The following GALNT9 variants were observed in gnomAD, a reference collection of about 807,000 sequenced individuals.
The protein encoded by GALNT9 is GalNAc transferase 9.
Under a neutral mutation model 63.1 loss-of-function variants are expected in GALNT9, and 47 were observed. The ratio of observed to expected loss-of-function variants is 0.75; its 90% confidence interval spans 0.59 to 0.95. GALNT9 has a LOEUF of 0.95. GALNT9 is among the 40% of genes least tolerant of loss of function. The pLI is 0.00. For missense variants in GALNT9, 829 were observed against 874.8 expected (o/e 0.95, Z 0.66); for synonymous variants, 396 against 365.7 (o/e 1.08, Z -0.94).
At chr12:132,221,896 A>G (rs1658749395) in intron 6 of GALNT9, among the ~76,000 whole-genome samples, 1 of 152,128 alleles carries the variant, frequency 6.6e-6, no homozygotes, top group Admixed American at 6.5e-5. Context: ...CACATGGGAG[A>G]GTAAAAGCAA....
At chr12:132,318,894 G>A (rs1312237132) in intron 1 of GALNT9, among the ~76,000 whole-genome samples, 1 of 152,248 alleles carries the variant, frequency 6.6e-6, no homozygotes, top group African/African-American at 2.4e-5. Context: ...GGTGCTCAGA[G>A]ATGACAGTCC....
At chr12:132,260,172 G>A (rs1265961217) in intron 4 of GALNT9, among the ~76,000 whole-genome samples, 2 of 152,170 alleles carry the variant, frequency 1.3e-5, no homozygotes, top group African/African-American at 2.4e-5. Context: ...CAGGGATGGA[G>A]AAACAGACAC....
At chr12:132,304,355 A>G (rs1173939228) in intron 1 of GALNT9, among the ~76,000 whole-genome samples, 3 of 95,596 alleles carry the variant, frequency 3.1e-5, no homozygotes, top group African/African-American at 4.7e-5. Context: ...GCACACCCTC[A>G]CCCGGGCACA....
chr12:132,215,791 C>G (rs1877158090), intron 6 of GALNT9, among the ~76,000 whole-genome samples: 1 of 152,134 alleles, frequency 6.6e-6, no homozygotes, highest in East Asian at 1.9e-4. Flanking sequence ...CACATGGGAC[C>G]CAGCACGGGA....
In GALNT9 at chr12:132,320,363, G is replaced by A. The variant is rs567272550; in HGVS notation, c.238+8603C>T. The stretch of plus-strand genomic sequence containing the variant: ...ACGGCCCAGAGCCCTCGAGGGCCAC[G>A]AGGCACAGACGCCCCCACCTCGGAT... On this transcript the variant is annotated intron_variant, in intron 1 of 10. Coordinates refer to ENST00000328957, the MANE Select transcript of GALNT9 (RefSeq NM_001122636.2). Among the ~76,000 whole-genome samples the A allele has an allele frequency of 2.7e-4, 41 of 152,376 alleles. No homozygotes were observed. In the South Asian group the frequency reaches 7.5e-3, roughly 28 times the overall value.
At chr12:132,276,933 C>T (rs1880117963) in intron 2 of GALNT9, among the ~76,000 whole-genome samples, 1 of 152,006 alleles carries the variant, frequency 6.6e-6, no homozygotes, top group South Asian at 2.1e-4. Flanking sequence ...CATGCACACA[C>T]ATCTGTGGAC....
rs565927750 is a variant in GALNT9, at chr12:132,303,085, CT to C, written c.239-16656del. ...TTTCCCACCCTCTGTCTGTCTCTCT[CT>C]CGGGAAAGCCTCCCTGTGTATTTCA... On this transcript the variant is annotated intron_variant, in intron 1 of 10. Transcript: ENST00000328957. 5.0e-3 allele frequency among the ~76,000 whole-genome samples: 765 copies of C among 152,128 alleles called. 1 individual carries two copies. The highest frequency in any genetic ancestry group is 0.016 in the African/African-American group (660 of 41,490).
chr12:132,292,521 C>T (rs556306212), intron 1 of GALNT9, among the ~76,000 whole-genome samples: 11 of 152,350 alleles, frequency 7.2e-5, no homozygotes, highest in African/African-American at 9.6e-5. Flanking sequence ...CCACACAAAA[C>T]GGAGCAGAGC....
intron 7 of GALNT9, among the ~76,000 whole-genome samples, chr12:132,202,953 A>C (rs980766512): frequency 6.6e-6 from 1 of 152,132 alleles, no homozygotes; most frequent in African/African-American, 2.4e-5. Context: ...GAAACAACCA[A>C]AAACGTCCAT....
Position 132,203,407 on chromosome 12 carries a change from C to CAGGGGGCCCT in GALNT9, c.1263+88_1263+97dup, listed in dbSNP as rs573865239. On this transcript the variant is annotated intron_variant, in intron 7 of 10. Coordinates refer to ENST00000328957, the MANE Select transcript of GALNT9 (RefSeq NM_001122636.2). ...CTGTCAACACACCCACTCACACCTG[C>CAGGGGGCCCT]AGGGGGCCCTAGGGGGCCTCCCTCC... 213 of 1,103,938 alleles carry CAGGGGGCCCT rather than the reference C, an allele frequency of 1.9e-4. 3 individuals are homozygous for CAGGGGGCCCT. In the South Asian group the frequency reaches 3.0e-3, roughly 16 times the overall value. 68.4% of individuals were successfully genotyped at this position (1,103,938 alleles called of 1,614,324 possible). A position where few individuals can be genotyped will look rare whatever the true frequency, so the allele number is the denominator to read the frequency against.
At chr12:132,297,215 C>A (rs187826033) in intron 1 of GALNT9, among the ~76,000 whole-genome samples, 44 of 138,058 alleles carry the variant, frequency 3.2e-4, no homozygotes, top group African/African-American at 8.2e-4. Flanking sequence ...TCTGAGATGA[C>A]CAAGCCACTT....
chr12:132,320,982 C>G (rs1384703144), intron 1 of GALNT9, among the ~76,000 whole-genome samples: 1 of 152,154 alleles, frequency 6.6e-6, no homozygotes. Flanking sequence ...CCCAGGCGGT[C>G]GACGCCACAG....
chr12:132,227,892 C>T (rs1215996884), intron 6 of GALNT9, among the ~76,000 whole-genome samples: 1 of 152,126 alleles, frequency 6.6e-6, no homozygotes, highest in Non-Finnish European at 1.5e-5. Flanking sequence ...AGAGACCTCC[C>T]CGTCCCCACA....
At chr12:132,303,955 A>G (rs180799120) in intron 1 of GALNT9, among the ~76,000 whole-genome samples, 258 of 23,104 alleles carry the variant, frequency 0.011, 19 homozygotes, top group Admixed American at 0.017. Flanking sequence ...GCACACCCTC[A>G]CCTGGGCACA....
At chr12:132,201,701 C>G (rs563416349) in intron 7 of GALNT9, among the ~76,000 whole-genome samples, 1 of 152,328 alleles carries the variant, frequency 6.6e-6, no homozygotes, top group Non-Finnish European at 1.5e-5. Context: ...TGGCTGGCCC[C>G]GCCTGGCACG....
In GALNT9 at chr12:132,237,045, A is replaced by G. The variant is rs144452287; in HGVS notation, c.1077+10865T>C. Among the ~76,000 whole-genome samples the G allele has an allele frequency of 9.3e-4, 141 of 151,780 alleles. No individual in the cohort carries two copies. The East Asian group carries it at 0.017, about 18-fold the overall frequency. Reference sequence around the variant, plus strand: ...CCGCCCAGGTCCTCTTCTCCACTGGACTTCTCCTCCATCTCTCAGGGAGCC... The same window carrying G: ...CCGCCCAGGTCCTCTTCTCCACTGGGCTTCTCCTCCATCTCTCAGGGAGCC... On this transcript the variant is annotated intron_variant, in intron 6 of 10. Coordinates refer to ENST00000328957, the MANE Select transcript of GALNT9 (RefSeq NM_001122636.2).
chr12:132,260,621 G>A (rs185679286), intron 4 of GALNT9, among the ~76,000 whole-genome samples: 1 of 152,344 alleles, frequency 6.6e-6, no homozygotes, highest in African/African-American at 2.4e-5. Flanking sequence ...CTGGAGTCAG[G>A]ACAGGGTCAC....
rs1266473824 is a variant in GALNT9, at chr12:132,236,499, G to A, written c.1077+11411C>T. On this transcript the variant is annotated intron_variant, in intron 6 of 10. Transcript: ENST00000328957. This position sits in a 1 kb window ranked among gnomAD's most constrained non-coding sequence, Gnocchi z 5.6. ...AGCTCTGCAAAATCATCACAGACGT[G>A]GGGGGATGGCGTCTCTCCCTCCCCC... Among the ~76,000 whole-genome samples the A allele has an allele frequency of 1.3e-5, 2 of 151,534 alleles. No individual in the cohort carries two copies. The highest frequency in any genetic ancestry group is 2.9e-5 in the Non-Finnish European group (2 of 67,832).
At chr12:132,198,517 G>A (rs561627613) in intron 9 of GALNT9, among the ~76,000 whole-genome samples, 6 of 149,754 alleles carry the variant, frequency 4.0e-5, no homozygotes, top group Admixed American at 2.0e-4. Flanking sequence ...CACTATTGCC[G>A]TGTTAATCCA....
Sources: gnomAD v4.1 joint callset for allele counts (sites outside exome capture counted in the v4.1 genomes callset) on GRCh38, gnomAD v4.1.1 for gene constraint, Gnocchi (gnomAD v3.1) non-coding constraint, MANE v1.5 for transcripts, NCBI Gene and HGNC (gene_info 2026-07-23, HGNC 2026-07-21) for gene names.